Variants in SCARB1 observed in about 807,000 individuals in gnomAD.
SCARB1 encodes the protein CD36 and LIMPII analogous 1.
SCARB1 carries 30 observed loss-of-function variants against 57.2 expected under a neutral mutation model. That is an observed-to-expected ratio of 0.52 (90% CI 0.39 to 0.71). The LOEUF is 0.71. Among genes scored for constraint, SCARB1 ranks in the 30% least tolerant of loss-of-function variants. SCARB1 has a pLI of 0.00. For missense variants in SCARB1, 543 were observed against 671.2 expected (o/e 0.81, Z 2.11); for synonymous variants, 249 against 268.3 (o/e 0.93, Z 0.70).
At chr12:124,853,854 G>A (rs968771402) in intron 1 of SCARB1, among the ~76,000 whole-genome samples, 1 of 152,226 alleles carries the variant, frequency 6.6e-6, no homozygotes, top group Non-Finnish European at 1.5e-5. Context: ...GCAGGTGGAG[G>A]AGTAGGCCCC....
rs1365212134 is a variant in SCARB1 at position 124,817,507 on chromosome 12, A to T, written c.284+43T>A. On this transcript the variant is annotated intron_variant, in intron 2 of 12. Coordinates refer to ENST00000261693, the MANE Select transcript of SCARB1 (RefSeq NM_005505.5). This position sits in a 1 kb window ranked among gnomAD's most constrained non-coding sequence, Gnocchi z 4.8. ...CCACTCTGAGACCCCTCCCCTGCCCAGCCTCAGCCGGCCCCTCCACCCTCA... is the reference window on the plus strand; with the variant it reads ...CCACTCTGAGACCCCTCCCCTGCCCTGCCTCAGCCGGCCCCTCCACCCTCA... The T allele has an allele frequency of 2.5e-6, 4 of 1,605,218 alleles. No homozygotes were observed. The East Asian group carries it at 6.7e-5, about 27-fold the overall frequency.
At chr12:124,833,480 G>A (rs2135752005) in intron 1 of SCARB1, among the ~76,000 whole-genome samples, 1 of 152,218 alleles carries the variant, frequency 6.6e-6, no homozygotes, top group East Asian at 1.9e-4. Context: ...GAGCCATCAT[G>A]CCTGGTGTAA....
chr12:124,810,080 G>T lies in SCARB1; in HGVS notation c.842+94C>A. 1.3e-6 allele frequency: 1 copy of T among 792,136 alleles called. No individual in the cohort carries two copies. The highest frequency in any genetic ancestry group is 2.2e-6 in the Non-Finnish European group (1 of 457,728). The allele number at this position is 792,136 out of a possible 1,614,324, so 49.1% of individuals were successfully genotyped here. A position where few individuals can be genotyped will look rare whatever the true frequency, so the allele number is the denominator to read the frequency against. Reference sequence around the variant, plus strand: ...AGGGCTACTGAGTCAAATCCACGATGAGTCAAAATGCTTTCCAAGTGCACA... The same window carrying T: ...AGGGCTACTGAGTCAAATCCACGATTAGTCAAAATGCTTTCCAAGTGCACA... On this transcript the variant is annotated intron_variant, in intron 6 of 12. Coordinates refer to ENST00000261693, the MANE Select transcript of SCARB1 (RefSeq NM_005505.5). The surrounding 1 kb of genome is among the most constrained non-coding windows in gnomAD (Gnocchi z 4.0).
chr12:124,850,886 G>T (rs144742736), intron 1 of SCARB1, among the ~76,000 whole-genome samples: 1 of 152,140 alleles, frequency 6.6e-6, no homozygotes, highest in Non-Finnish European at 1.5e-5. Context: ...GCCTATGGCC[G>T]CCTCTTCCCC....
intron 10 of SCARB1, among the ~76,000 whole-genome samples, chr12:124,786,783 GC>G (rs1566135586): frequency 6.6e-6 from 1 of 152,196 alleles, no homozygotes; most frequent in African/African-American, 2.4e-5. Flanking sequence ...CTCGTTCCCT[GC>G]CACTGAATGG....
intron 1 of SCARB1, among the ~76,000 whole-genome samples, chr12:124,830,230 T>A (rs1951332179): frequency 1.3e-5 from 2 of 152,062 alleles, no homozygotes; most frequent in African/African-American, 4.8e-5. Flanking sequence ...GCAGCCAGAG[T>A]GCTCACACAT....
intron 1 of SCARB1, among the ~76,000 whole-genome samples, chr12:124,855,763 TG>T (rs969594499): frequency 2.0e-5 from 3 of 152,048 alleles, no homozygotes; most frequent in African/African-American, 7.2e-5. Context: ...GGTTCAGCCT[TG>T]GGGGGTGTGG....
intron 1 of SCARB1, among the ~76,000 whole-genome samples, chr12:124,847,728 G>A (rs1330168037): frequency 6.6e-6 from 1 of 152,232 alleles, no homozygotes; most frequent in Admixed American, 6.5e-5. Context: ...GGGACCAGGA[G>A]GAATTGCAGG....
chr12:124,808,185 A>G (rs1950390602), intron 6 of SCARB1, among the ~76,000 whole-genome samples: 1 of 152,120 alleles, frequency 6.6e-6, no homozygotes, highest in Non-Finnish European at 1.5e-5. Flanking sequence ...GCCAGGCATT[A>G]TGGCTCACAC....
At chr12:124,786,232 C>T (rs774312862) in intron 11 of SCARB1, 125 bp downstream of exon 11, 18 of 1,598,602 alleles carry the variant, frequency 1.1e-5, no homozygotes, top group African/African-American at 8.0e-5. Context: ...CCGGCAGAGA[C>T]GCAGGACTGC....
rs1594302488 is a variant in SCARB1 at position 124,822,492 on chromosome 12, G to T, written c.127-4785C>A. The stretch of plus-strand genomic sequence containing the variant: ...TCTAGAGAGAGAAGCCAGACCAGTG[G>T]CTGCCGGGGACCGGGATGGAGGGAG... On this transcript the variant is annotated intron_variant, in intron 1 of 12. Coordinates refer to ENST00000261693, the MANE Select transcript of SCARB1 (RefSeq NM_005505.5). The surrounding 1 kb of genome is among the most constrained non-coding windows in gnomAD (Gnocchi z 5.0). 6.6e-6 allele frequency among the ~76,000 whole-genome samples: 1 copy of T among 152,230 alleles called. No homozygotes were observed. The highest frequency in any genetic ancestry group is 6.5e-5 in the Admixed American group (1 of 15,284).
chr12:124,787,724 C>A (rs201901986), intron 9 of SCARB1, among the ~76,000 whole-genome samples: 1 of 144,632 alleles, frequency 6.9e-6, no homozygotes, highest in African/African-American at 2.5e-5. Flanking sequence ...TTTTTTTTTT[C>A]TTTAGTTGAC....
At chr12:124,821,460 C>T (rs542669329) in intron 1 of SCARB1, 32 of 984,708 alleles carry the variant, frequency 3.2e-5, no homozygotes, top group African/African-American at 3.2e-4. Flanking sequence ...GGGATCCGGC[C>T]GCGTGTCCAT....
In SCARB1 at chr12:124,817,852, T is replaced by C. The variant is rs1368394799; in HGVS notation, c.127-145A>G. 2.4e-6 allele frequency: 2 copies of C among 842,648 alleles called. No individual in the cohort carries two copies. The highest frequency in any genetic ancestry group is 1.7e-5 in the African/African-American group (1 of 60,332). The allele number at this position is 842,648 out of a possible 1,614,324, so 52.2% of individuals were successfully genotyped here. ...GGGATAGGAGGTGGTGGGAAAGCCC[T>C]TCGCACATGAGGCTGTCGCACCTGG... On this transcript the variant is annotated intron_variant, in intron 1 of 12. Transcript: ENST00000261693. This position sits in a 1 kb window ranked among gnomAD's most constrained non-coding sequence, Gnocchi z 4.8.
chr12:124,800,591 A>T lies in SCARB1; in HGVS notation c.1010-349T>A, dbSNP rs572175999. 2.0e-5 allele frequency among the ~76,000 whole-genome samples: 3 copies of T among 152,294 alleles called. No homozygotes were observed. Among genetic ancestry groups the T allele is most frequent in the Admixed American group, 6.5e-5 (1 of 15,300 alleles). Reference sequence around the variant, plus strand: ...GTGGGGAGGGGGAAATGCATGGTGCACAAGGGTGCTAGGGAGGCACGGATG... The same window carrying T: ...GTGGGGAGGGGGAAATGCATGGTGCTCAAGGGTGCTAGGGAGGCACGGATG... On this transcript the variant is annotated intron_variant, in intron 7 of 12. Transcript: ENST00000261693. This position sits in a 1 kb window ranked among gnomAD's most constrained non-coding sequence, Gnocchi z 4.8.
At chr12:124,819,557 C>A (rs947387725) in intron 1 of SCARB1, among the ~76,000 whole-genome samples, 1 of 152,166 alleles carries the variant, frequency 6.6e-6, no homozygotes, top group Non-Finnish European at 1.5e-5. Flanking sequence ...TCCACCTGAC[C>A]CCCACCCTCA....
At position 124,817,397 on chromosome 12, in the gene SCARB1, C is replaced by A. The variant is rs1002488248; in HGVS notation, c.284+153G>T. 4.1e-5 allele frequency among the ~76,000 whole-genome samples: 6 copies of A among 146,402 alleles called. No individual in the cohort carries two copies. The highest frequency in any genetic ancestry group is 2.3e-4 in the South Asian group (1 of 4,402). On this transcript the variant is annotated intron_variant, in intron 2 of 12. Transcript: ENST00000261693. This position sits in a 1 kb window ranked among gnomAD's most constrained non-coding sequence, Gnocchi z 4.8. ...AAAAAAAACCCTAAAACAAAAACTT[C>A]TCTGGGACTAGCACTTACCCCGACT...
chr12:124,794,909 A>G (rs2135576902), intron 9 of SCARB1, among the ~76,000 whole-genome samples: 1 of 152,252 alleles, frequency 6.6e-6, no homozygotes, highest in African/African-American at 2.4e-5. Context: ...CAGCCTGGGC[A>G]ACAAGAGCGA....
Position 124,857,176 on chromosome 12 carries a change from A to T in SCARB1, c.126+6419T>A, listed in dbSNP as rs1373118328. The stretch of plus-strand genomic sequence containing the variant: ...CTGTGGAGTCGGCCCCCAGACTTGA[A>T]ATCCTGATTCAACCGCTTGGAGCTA... On this transcript the variant is annotated intron_variant, in intron 1 of 12. Coordinates refer to ENST00000261693, the MANE Select transcript of SCARB1 (RefSeq NM_005505.5). 2.0e-5 allele frequency among the ~76,000 whole-genome samples: 3 copies of T among 152,238 alleles called. No homozygotes were observed. The East Asian group carries it at 5.8e-4, about 29-fold the overall frequency.
Sources: gnomAD v4.1 joint callset for allele counts (sites outside exome capture counted in the v4.1 genomes callset) on GRCh38, gnomAD v4.1.1 for gene constraint, Gnocchi (gnomAD v3.1) non-coding constraint, MANE v1.5 for transcripts, NCBI Gene and HGNC (gene_info 2026-07-23, HGNC 2026-07-21) for gene names.